PCDH9: variants seen among roughly 807,000 people sequenced by gnomAD.
PCDH9 encodes protocadherin-9.
In PCDH9, 24 loss-of-function variants were observed where a neutral mutation model predicts 70.6. That is an observed-to-expected ratio of 0.34 (90% CI 0.25 to 0.48). PCDH9 has a LOEUF of 0.48. Ranked by LOEUF, PCDH9 falls within the 20% of genes least tolerant of loss-of-function variation. The pLI, the probability that PCDH9 is intolerant of heterozygous loss-of-function variation, is 0.99. For synonymous variants in PCDH9, 562 were observed against 558.5 expected (o/e 1.01, Z -0.09); for missense variants, 1,281 against 1,503.6 (o/e 0.85, Z 2.45).
At position 66,655,308 on chromosome 13, in the gene PCDH9, A is replaced by T. The variant is rs577426698; in HGVS notation, c.3139-23897T>A. 2.6e-5 allele frequency among the ~76,000 whole-genome samples: 4 copies of T among 152,222 alleles called. No individual in the cohort carries two copies. The South Asian group carries it at 8.3e-4, about 32-fold the overall frequency. On this transcript the variant is annotated intron_variant, in intron 3 of 4. Transcript: ENST00000377865. Reference sequence around the variant, plus strand: ...AATAAGGCCCAAAAGAGCTGTACAGAATAAGGACTAGAAAGGAGAAAAGTG... The same window carrying T: ...AATAAGGCCCAAAAGAGCTGTACAGTATAAGGACTAGAAAGGAGAAAAGTG...
chr13:66,569,057 C>T (rs1026606540), intron 4 of PCDH9, among the ~76,000 whole-genome samples: 1 of 130,624 alleles, frequency 7.7e-6, no homozygotes, highest in Non-Finnish European at 1.5e-5. Context: ...GCTAGAGATC[C>T]GTGGCACGAT....
At chr13:66,594,882 A>G (rs2077083256) in intron 4 of PCDH9, among the ~76,000 whole-genome samples, 1 of 151,438 alleles carries the variant, frequency 6.6e-6, no homozygotes. Flanking sequence ...TAAATAAATG[A>G]TTGCAGCTTT....
rs1307136029 is a variant in PCDH9, at chr13:66,697,294, T to C, written c.3139-65883A>G. On this transcript the variant is annotated intron_variant, in intron 3 of 4. Coordinates refer to ENST00000377865, the MANE Select transcript of PCDH9 (RefSeq NM_203487.3). ...AATTTATTTCTCCCCCCCCAAAAAA[T>C]ATTGCAGTTGAGAAGCAATTTTCTT... Among the ~76,000 whole-genome samples, 3 of 152,008 alleles carry C rather than the reference T, an allele frequency of 2.0e-5. No individual in the cohort carries two copies. In the East Asian group the frequency reaches 5.8e-4, roughly 29 times the overall value.
chr13:67,082,389 C>T lies in PCDH9; in HGVS notation c.3036+143016G>A, dbSNP rs141695310. On this transcript the variant is annotated intron_variant, in intron 2 of 4. Transcript: ENST00000377865. ...TTATTTCATTTAGCATAATGTCTTC[C>T]AGATTAAAGGCTGTAACAAACAGCA... 2.7e-3 allele frequency among the ~76,000 whole-genome samples: 412 copies of T among 152,238 alleles called. 4 individuals carry two copies. The highest frequency in any genetic ancestry group is 9.5e-3 in the African/African-American group (393 of 41,536).
chr13:66,361,673 A>G (rs1054566683), intron 4 of PCDH9, among the ~76,000 whole-genome samples: 95 of 152,296 alleles, frequency 6.2e-4, no homozygotes, highest in African/African-American at 1.7e-3. Flanking sequence ...AAAACACCCT[A>G]TTGTATAAAT....
chr13:67,029,741 A>T lies in PCDH9; in HGVS notation c.3037-126136T>A, dbSNP rs74093553. On this transcript the variant is annotated intron_variant, in intron 2 of 4. Transcript: ENST00000377865. ...TGACGAGAACATTTAAACATAAATA[A>T]TAATACTCACCTAATGCAACTTCTC... 5.1e-3 allele frequency among the ~76,000 whole-genome samples: 776 copies of T among 152,320 alleles called. 3 individuals carry two copies. The highest frequency in any genetic ancestry group is 0.017 in the African/African-American group (721 of 41,574).
chr13:66,557,546 A>G (rs1593671457), intron 4 of PCDH9, among the ~76,000 whole-genome samples: 1 of 152,218 alleles, frequency 6.6e-6, no homozygotes, highest in African/African-American at 2.4e-5. Flanking sequence ...ACATAATTAC[A>G]TGGTGATTTA....
chr13:66,939,155 T>C (rs1296229235), intron 2 of PCDH9, among the ~76,000 whole-genome samples: 1 of 152,138 alleles, frequency 6.6e-6, no homozygotes, highest in African/African-American at 2.4e-5. Flanking sequence ...CAATCTATAC[T>C]GTATAAGATT....
At chr13:66,575,489 G>T (rs2076801850) in intron 4 of PCDH9, among the ~76,000 whole-genome samples, 2 of 152,102 alleles carry the variant, frequency 1.3e-5, no homozygotes, top group African/African-American at 4.8e-5. Flanking sequence ...ATGCTGAAAA[G>T]CCTTAGAAGG....
intron 4 of PCDH9, among the ~76,000 whole-genome samples, chr13:66,397,537 A>G (rs900188488): frequency 4.7e-5 from 7 of 149,924 alleles, no homozygotes; most frequent in Admixed American, 2.0e-4. Context: ...ATATATACAC[A>G]TATATGTCGA....
chr13:66,740,072 T>C (rs1181924121), intron 3 of PCDH9, among the ~76,000 whole-genome samples: 2 of 149,768 alleles, frequency 1.3e-5, no homozygotes, highest in African/African-American at 2.4e-5. Flanking sequence ...TATTCCAAAA[T>C]TGACCACATA....
At chr13:66,553,095 G>A (rs1471659226) in intron 4 of PCDH9, among the ~76,000 whole-genome samples, 1 of 152,040 alleles carries the variant, frequency 6.6e-6, no homozygotes, top group East Asian at 1.9e-4. Context: ...TGGATATTAT[G>A]GAAACTACAA....
chr13:66,397,703 A>G (rs1256963938), intron 4 of PCDH9, among the ~76,000 whole-genome samples: 1 of 151,566 alleles, frequency 6.6e-6, no homozygotes, highest in African/African-American at 2.4e-5. Flanking sequence ...ACTGTTCCAT[A>G]TGTTCCATGT....
intron 4 of PCDH9, among the ~76,000 whole-genome samples, chr13:66,327,228 T>G (rs1294770645): frequency 2.0e-5 from 3 of 152,204 alleles, no homozygotes; most frequent in Non-Finnish European, 2.9e-5. Flanking sequence ...CGACACATGT[T>G]AAAGTTTTGA....
intron 4 of PCDH9, among the ~76,000 whole-genome samples, chr13:66,369,009 C>T (rs1421096179): frequency 6.6e-6 from 1 of 152,124 alleles, no homozygotes; most frequent in South Asian, 2.1e-4. Flanking sequence ...TGTGGAGATG[C>T]AGCCAAGCCA....
chr13:66,339,395 A>C (rs1353757081), intron 4 of PCDH9, among the ~76,000 whole-genome samples: 5 of 151,992 alleles, frequency 3.3e-5, no homozygotes, highest in African/African-American at 1.2e-4. Context: ...GTGTGGGTGA[A>C]CCTAAAGGAA....
At chr13:67,004,368 C>A (rs1392382873) in intron 2 of PCDH9, among the ~76,000 whole-genome samples, 4 of 151,466 alleles carry the variant, frequency 2.6e-5, no homozygotes, top group Non-Finnish European at 4.4e-5. Flanking sequence ...GTCAGGAGTT[C>A]GAGACCAGCC....
intron 4 of PCDH9, among the ~76,000 whole-genome samples, chr13:66,512,307 CAAT>C: frequency 6.9e-6 from 1 of 144,740 alleles, no homozygotes; most frequent in African/African-American, 2.6e-5. Context: ...TATATATACA[CAAT>C]AAGAATTCAT....
At chr13:66,678,945 GTA>G (rs1431192656) in intron 3 of PCDH9, among the ~76,000 whole-genome samples, 1 of 150,384 alleles carries the variant, frequency 6.6e-6, no homozygotes, top group Admixed American at 6.7e-5. Flanking sequence ...GCGACTGGAT[GTA>G]TATATATATA....
Sources: allele counts gnomAD v4.1 joint callset (sites outside exome capture counted in the v4.1 genomes callset), GRCh38; gene constraint gnomAD v4.1.1; transcripts MANE v1.5; gene names NCBI Gene and HGNC (gene_info 2026-07-23, HGNC 2026-07-21).